Variants in PRKAR1B observed in about 807,000 individuals in gnomAD.
PRKAR1B encodes protein kinase cAMP-dependent type I regulatory subunit beta.
A neutral mutation model predicts 46.5 loss-of-function variants in PRKAR1B; 22 were observed. The ratio of observed to expected loss-of-function variants is 0.47; its 90% CI spans 0.34 to 0.68. The LOEUF is 0.68. Ranked by LOEUF, PRKAR1B falls within the 30% of genes least tolerant of loss-of-function variation. The probability of loss-of-function intolerance (pLI) is 0.01; values close to 1 mark genes in which losing one functional copy is unlikely to be tolerated. For synonymous variants in PRKAR1B, 259 were observed against 217.7 expected (o/e 1.19, Z -1.67); for missense variants, 445 against 535.6 (o/e 0.83, Z 1.67).
intron 2 of PRKAR1B, among the ~76,000 whole-genome samples, chr7:704,383 T>A (rs1047848872): frequency 6.6e-6 from 1 of 152,166 alleles, no homozygotes; most frequent in African/African-American, 2.4e-5. Flanking sequence ...ACCTCAGGAA[T>A]GAAATAATAC....
chr7:711,743 G>T (rs1489638144), intron 1 of PRKAR1B, among the ~76,000 whole-genome samples: 2 of 152,158 alleles, frequency 1.3e-5, no homozygotes, highest in African/African-American at 4.8e-5. Flanking sequence ...GGCAGGGGTG[G>T]AGGGGGCTCA....
At chr7:592,667 T>C (rs1781049109) in intron 7 of PRKAR1B, among the ~76,000 whole-genome samples, 1 of 152,180 alleles carries the variant, frequency 6.6e-6, no homozygotes, top group South Asian at 2.1e-4. Context: ...TCTACATCCA[T>C]TGCTTCCAAA....
At chr7:625,201 T>C (rs949269503) in intron 4 of PRKAR1B, among the ~76,000 whole-genome samples, 1 of 152,074 alleles carries the variant, frequency 6.6e-6, no homozygotes, top group Non-Finnish European at 1.5e-5. Context: ...AGTTGAAAAA[T>C]ATTTTGAACG....
intron 9 of PRKAR1B, among the ~76,000 whole-genome samples, chr7:561,780 C>T (rs1057205416): frequency 2.6e-5 from 4 of 152,372 alleles, no homozygotes; most frequent in South Asian, 4.1e-4. Flanking sequence ...GGCAAAGGCA[C>T]GGCCCAGCAG....
intron 4 of PRKAR1B, among the ~76,000 whole-genome samples, chr7:611,079 T>C (rs1004071699): frequency 6.6e-6 from 1 of 152,244 alleles, no homozygotes; most frequent in South Asian, 2.1e-4. Flanking sequence ...AGGTCAGCAC[T>C]GCTGTTCCGT....
upstream of PRKAR1B, among the ~76,000 whole-genome samples, chr7:728,427 G>T (rs1183427817): frequency 6.6e-6 from 1 of 152,206 alleles, no homozygotes; most frequent in African/African-American, 2.4e-5. Flanking sequence ...GTTGTTAAAA[G>T]ATCACTGCAG....
At chr7:647,568 G>A (rs1159044713) in intron 4 of PRKAR1B, among the ~76,000 whole-genome samples, 2 of 151,892 alleles carry the variant, frequency 1.3e-5, no homozygotes, top group East Asian at 1.9e-4. Context: ...GCACTTTGGG[G>A]GGCCGAGACA....
rs146439336 is a variant in PRKAR1B, at chr7:551,517, G to A, written c.892-47C>T. On this transcript the variant is annotated intron_variant, in intron 9 of 10. Transcript: ENST00000537384. Reference sequence around the variant, plus strand: ...CGTGAGTGCCAGCCAGGCGGGTGCAGGGTGGGACACACGTGAGGGGTCACC... The same window carrying A: ...CGTGAGTGCCAGCCAGGCGGGTGCAAGGTGGGACACACGTGAGGGGTCACC... The A allele has an allele frequency of 7.7e-3, 11,804 of 1,535,110 alleles. 80 individuals are homozygous for A. Among genetic ancestry groups the A allele is most frequent in the South Asian group, 0.014 (1,205 of 83,640 alleles).
intron 7 of PRKAR1B, among the ~76,000 whole-genome samples, chr7:590,819 C>T (rs1053631513): frequency 7.2e-5 from 11 of 152,228 alleles, no homozygotes; most frequent in African/African-American, 2.2e-4. Context: ...CCACCCGCTG[C>T]GGGTGCCTGA....
chr7:635,481 C>G lies in PRKAR1B; in HGVS notation c.441-28029G>C, dbSNP rs534279566. On this transcript the variant is annotated intron_variant, in intron 4 of 10. Coordinates refer to ENST00000537384, the MANE Select transcript of PRKAR1B (RefSeq NM_001164760.2). ...CCCCCCTGGGGCTCAGGGAGCGTCCCCAACACTGACTCCACAGTCCTCTCC... is the reference window on the plus strand; with the variant it reads ...CCCCCCTGGGGCTCAGGGAGCGTCCGCAACACTGACTCCACAGTCCTCTCC... Among the ~76,000 whole-genome samples, 4 of 152,304 alleles carry G rather than the reference C, an allele frequency of 2.6e-5. No homozygotes were observed. The South Asian group carries it at 8.3e-4, about 32-fold the overall frequency.
chr7:691,237 TCCTA>T (rs1394636304), intron 2 of PRKAR1B, among the ~76,000 whole-genome samples: 1 of 151,880 alleles, frequency 6.6e-6, no homozygotes, highest in Non-Finnish European at 1.5e-5. Flanking sequence ...CCACTGCAAA[TCCTA>T]CCCGAAGGGT....
chr7:660,991 A>G (rs1162244609), intron 4 of PRKAR1B, among the ~76,000 whole-genome samples: 56 of 47,098 alleles, frequency 1.2e-3, no homozygotes, highest in South Asian at 3.4e-3. Flanking sequence ...ACCCCAACAG[A>G]TCCAAATACC....
chr7:646,662 C>T (rs939168284), intron 4 of PRKAR1B, among the ~76,000 whole-genome samples: 6 of 152,216 alleles, frequency 3.9e-5, no homozygotes, highest in African/African-American at 1.4e-4. Flanking sequence ...ACGCTTCTCC[C>T]TCTGAACCCC....
At chr7:702,736 T>C (rs1417073144) in intron 2 of PRKAR1B, among the ~76,000 whole-genome samples, 2 of 152,154 alleles carry the variant, frequency 1.3e-5, no homozygotes, top group Non-Finnish European at 2.9e-5. Context: ...GGCAGGAGAA[T>C]GGTGTGAACC....
chr7:553,450 T>C (rs1011574179), intron 9 of PRKAR1B, among the ~76,000 whole-genome samples: 76 of 152,292 alleles, frequency 5.0e-4, no homozygotes, highest in African/African-American at 1.7e-3. Flanking sequence ...GTGAGGAATG[T>C]CACCATCCCA....
rs1423070266 is a variant in PRKAR1B at position 656,306 on chromosome 7, A to ATGAATGAATGAATGGG, written c.440+20907_440+20922dup. On this transcript the variant is annotated intron_variant, in intron 4 of 10. Coordinates refer to ENST00000537384, the MANE Select transcript of PRKAR1B (RefSeq NM_001164760.2). The stretch of plus-strand genomic sequence containing the variant: ...GATGAATGAGTGGATACATGAGCTA[A>ATGAATGAATGAATGGG]TGAATGAATGAATGGGTGAATGAAT... 1.2e-4 allele frequency among the ~76,000 whole-genome samples: 19 copies of ATGAATGAATGAATGGG among 152,240 alleles called. No homozygotes were observed. The South Asian group carries it at 3.1e-3, about 25-fold the overall frequency.
Position 558,829 on chromosome 7 carries a change from C to T in PRKAR1B, c.892-7359G>A, listed in dbSNP as rs191919852. Among the ~76,000 whole-genome samples the T allele has an allele frequency of 1.1e-4, 17 of 152,338 alleles. No individual in the cohort carries two copies. In the East Asian group the frequency reaches 3.3e-3, roughly 29 times the overall value. The stretch of plus-strand genomic sequence containing the variant: ...CTTCCTTGGAAGGGGCCCCGGCTTC[C>T]TGTCCCTTGTCACAGCCTCCCTTGC... On this transcript the variant is annotated intron_variant, in intron 9 of 10. Coordinates refer to ENST00000537384, the MANE Select transcript of PRKAR1B (RefSeq NM_001164760.2).
chr7:615,838 A>AAC (rs1290123933), intron 4 of PRKAR1B, among the ~76,000 whole-genome samples: 1 of 151,190 alleles, frequency 6.6e-6, no homozygotes, highest in African/African-American at 2.4e-5. Flanking sequence ...AAAAAAAAAA[A>AAC]AAAAGAAAGC....
intron 4 of PRKAR1B, among the ~76,000 whole-genome samples, chr7:668,854 G>A (rs888754136): frequency 6.6e-6 from 1 of 152,158 alleles, no homozygotes; most frequent in Non-Finnish European, 1.5e-5. Context: ...TAGCTGAAAC[G>A]CAGTTGCCAC....
Sources: allele counts gnomAD v4.1 joint callset (sites outside exome capture counted in the v4.1 genomes callset), GRCh38; gene constraint gnomAD v4.1.1; transcripts MANE v1.5; gene names NCBI Gene and HGNC (gene_info 2026-07-23, HGNC 2026-07-21).